The following ADGRL2 variants were observed in gnomAD, a reference collection of about 807,000 sequenced individuals.
The protein encoded by ADGRL2 is calcium-independent alpha-latrotoxin receptor 2.
Under a neutral mutation model 157.4 loss-of-function variants are expected in ADGRL2, and 44 were observed. The observed-to-expected ratio is 0.28, with a 90% CI of 0.22 to 0.36. The LOEUF (loss-of-function observed/expected upper bound fraction) is 0.36. ADGRL2 is among the 10% of genes least tolerant of loss of function. ADGRL2 has a pLI of 1.00. For synonymous variants in ADGRL2, 585 were observed against 624.7 expected, an observed-to-expected ratio of 0.94 and a Z score of 0.95; for missense variants, 1,510 against 1,768.9, an observed-to-expected ratio of 0.85 and a Z score of 2.63.
intron 1 of ADGRL2, among the ~76,000 whole-genome samples, chr1:81,377,024 C>CA (rs200266310): frequency 5.9e-5 from 9 of 151,764 alleles, no homozygotes; most frequent in South Asian, 2.1e-4. Flanking sequence ...ACCATCTCTC[C>CA]AAAAAAAATT....
chr1:81,341,964 G>T (rs1306905430), intron 1 of ADGRL2, among the ~76,000 whole-genome samples: 1 of 152,066 alleles, frequency 6.6e-6, no homozygotes, highest in East Asian at 1.9e-4. Flanking sequence ...ATAGAAGATG[G>T]GTAGTGGTTA....
At chr1:81,559,770 G>A (rs2080398639) in intron 2 of ADGRL2, among the ~76,000 whole-genome samples, 1 of 152,012 alleles carries the variant, frequency 6.6e-6, no homozygotes, top group Non-Finnish European at 1.5e-5. Context: ...ATTTTATTTG[G>A]TTCATCCAGG....
intron 2 of ADGRL2, among the ~76,000 whole-genome samples, chr1:81,454,167 CTTTTT>C (rs1177564379): frequency 6.9e-6 from 1 of 145,772 alleles, no homozygotes; most frequent in African/African-American, 2.5e-5. Context: ...AATCCTCACT[CTTTTT>C]TTTTTTTCTT....
At chr1:81,695,516 A>C (rs181222390), upstream of ADGRL2, among the ~76,000 whole-genome samples, 421 of 152,142 alleles carry the variant, frequency 2.8e-3, 1 homozygote, top group Non-Finnish European at 3.9e-3. Context: ...TGAGGCAGCT[A>C]TGTTTTGAGA....
At chr1:81,732,826 G>C (rs564326804) in intron 1 of ADGRL2, among the ~76,000 whole-genome samples, 1 of 152,106 alleles carries the variant, frequency 6.6e-6, no homozygotes, top group Admixed American at 6.6e-5. Context: ...ACTTTTATTT[G>C]ATTTTCCTAG....
chr1:81,338,812 G>C (rs1025861053), intron 1 of ADGRL2, among the ~76,000 whole-genome samples: 1 of 152,130 alleles, frequency 6.6e-6, no homozygotes, highest in East Asian at 1.9e-4. Flanking sequence ...GGGCAGCTTG[G>C]CTTCAATGTC....
chr1:81,344,356 A>C (rs1228451437), intron 1 of ADGRL2, among the ~76,000 whole-genome samples: 1 of 152,184 alleles, frequency 6.6e-6, no homozygotes, highest in Non-Finnish European at 1.5e-5. Flanking sequence ...GTCTGGACTT[A>C]AGAAAGTGAC....
intron 1 of ADGRL2, among the ~76,000 whole-genome samples, chr1:81,744,485 C>T (rs1241581139): frequency 8.5e-5 from 13 of 152,128 alleles, no homozygotes; most frequent in Admixed American, 7.2e-4. Flanking sequence ...GTAACCACTA[C>T]GCCCTCTGTG....
intron 3 of ADGRL2, among the ~76,000 whole-genome samples, chr1:81,663,431 C>T (rs2082696773): frequency 6.6e-6 from 1 of 152,114 alleles, no homozygotes; most frequent in Non-Finnish European, 1.5e-5. Context: ...TCTTTGAGTT[C>T]ATATTTTGTA....
At chr1:81,605,228 T>A (rs1447933534) in intron 3 of ADGRL2, among the ~76,000 whole-genome samples, 1 of 152,078 alleles carries the variant, frequency 6.6e-6, no homozygotes, top group Non-Finnish European at 1.5e-5. Flanking sequence ...CCCCTGGAGA[T>A]TCAGCCCTGC....
intron 1 of ADGRL2, among the ~76,000 whole-genome samples, chr1:81,815,509 G>A (rs561183238): frequency 2.6e-5 from 4 of 151,702 alleles, no homozygotes; most frequent in Non-Finnish European, 4.4e-5. Context: ...ACACAGTAAG[G>A]TATTCAAGAA....
intron 3 of ADGRL2, among the ~76,000 whole-genome samples, chr1:81,640,336 C>T (rs911923060): frequency 6.6e-6 from 1 of 151,892 alleles, no homozygotes; most frequent in African/African-American, 2.4e-5. Context: ...GAGAAATTGT[C>T]AAATAAAAAA....
intron 1 of ADGRL2, among the ~76,000 whole-genome samples, chr1:81,353,312 C>G (rs1437721619): frequency 6.6e-6 from 1 of 152,042 alleles, no homozygotes; most frequent in Admixed American, 6.6e-5. Context: ...TATTAGGGAG[C>G]CTCTGAAGAT....
Position 81,963,749 on chromosome 1 carries a change from A to T in ADGRL2, c.2018-2309A>T, listed in dbSNP as rs186221840. On this transcript the variant is annotated intron_variant, in intron 11 of 23. Coordinates refer to ENST00000686636, the MANE Select transcript of ADGRL2 (RefSeq NM_001366006.2). The stretch of plus-strand genomic sequence containing the variant: ...ACTAAAAATTTAATTTGTCCAGGAT[A>T]TTATAAAATGTGTGTATATTTTATT... Among the ~76,000 whole-genome samples, 761 of 151,586 alleles carry T rather than the reference A, an allele frequency of 5.0e-3. 9 individuals carry two copies. Among genetic ancestry groups the T allele is most frequent in the Non-Finnish European group, 7.5e-3 (506 of 67,692 alleles).
chr1:81,824,010 A>T (rs929425557), intron 1 of ADGRL2, among the ~76,000 whole-genome samples: 6 of 152,216 alleles, frequency 3.9e-5, no homozygotes, highest in African/African-American at 1.4e-4. Context: ...TTACCAGGAT[A>T]TTATACTAGT....
chr1:81,755,831 C>T (rs1498208), intron 1 of ADGRL2, among the ~76,000 whole-genome samples: 70,709 of 151,416 alleles, frequency 0.47, 17,426 homozygotes, highest in East Asian at 0.85. Flanking sequence ...TGTATTAAGC[C>T]CAAACGACTC....
intron 2 of ADGRL2, among the ~76,000 whole-genome samples, chr1:81,467,589 CT>C (rs995423389): frequency 2.6e-5 from 4 of 152,118 alleles, no homozygotes; most frequent in African/African-American, 9.7e-5. Context: ...GCAAAATGGA[CT>C]TAATAAACTC....
In ADGRL2 at chr1:81,953,016, T is replaced by A. The variant is rs1652343568; in HGVS notation, c.1824T>A (p.Ala608=). Residue 608 remains alanine (A), a synonymous_variant, in exon 10 of 24, where the codon GCT becomes GCA. Coordinates refer to ENST00000686636, the MANE Select transcript of ADGRL2 (RefSeq NM_001366006.2). The part of the protein sequence containing the change: ...KLQKREKTCR[A]YLKAIVDTVD... ...AAAAACGAGAGAAGACATGCAGGGC[T>A]TACCTTAAGGTATCTCTCCTGTGCT... is the stretch of plus-strand genomic sequence containing the variant. 1 of 1,611,866 alleles carries A rather than the reference T, an allele frequency of 6.2e-7. No homozygotes were observed. The highest frequency in any genetic ancestry group is 8.5e-7 in the Non-Finnish European group (1 of 1,179,204).
upstream of ADGRL2, among the ~76,000 whole-genome samples, chr1:81,698,822 G>C (rs17106941): frequency 4.6e-5 from 7 of 152,038 alleles, no homozygotes; most frequent in South Asian, 1.4e-3. Flanking sequence ...CTAAAATCTG[G>C]TCTTGCTTCT....
Sources: allele counts gnomAD v4.1 joint callset (sites outside exome capture counted in the v4.1 genomes callset), GRCh38; gene constraint gnomAD v4.1.1; transcripts MANE v1.5; gene names NCBI Gene and HGNC (gene_info 2026-07-23, HGNC 2026-07-21).